DTNA: variants seen among roughly 807,000 people sequenced by gnomAD.
DTNA encodes dystrobrevin alpha.
In DTNA, 43 loss-of-function variants were observed where a neutral mutation model predicts 100.7. The observed-to-expected ratio is 0.43, with a 90% CI of 0.33 to 0.55. The LOEUF is 0.55. DTNA is among the 20% of genes least tolerant of loss of function. DTNA has a pLI of 0.04. For missense variants in DTNA, 798 were observed against 953.9 expected (o/e 0.84, Z 2.15); for synonymous variants, 349 against 347.9 (o/e 1.00, Z -0.04).
In DTNA at chr18:34,794,259, C is replaced by T. The variant is rs778158771; in HGVS notation, c.362+9C>T. ...CTTGCAGCGTTTGATCCGTAAGCAC[C>T]CTCTGAATGTCTGTTCCTCTCTACA... On this transcript the variant is annotated intron_variant, in intron 4 of 22. Transcript: ENST00000444659. The T allele has an allele frequency of 1.2e-5, 19 of 1,613,782 alleles. No homozygotes were observed. The Admixed American group carries it at 2.7e-4, about 23-fold the overall frequency.
At chr18:34,629,994 G>C (rs1380183472) in intron 1 of DTNA, among the ~76,000 whole-genome samples, 2 of 152,208 alleles carry the variant, frequency 1.3e-5, no homozygotes, top group South Asian at 2.1e-4. Context: ...GATGTCGTTG[G>C]CATTTTTCTC....
chr18:34,809,679 C>T (rs1421820174), intron 5 of DTNA, among the ~76,000 whole-genome samples: 2 of 152,054 alleles, frequency 1.3e-5, no homozygotes, highest in Non-Finnish European at 2.9e-5. Flanking sequence ...ATATTTAGCT[C>T]GTTCCAGCTA....
At chr18:34,680,532 A>G (rs1171816685) in intron 1 of DTNA, among the ~76,000 whole-genome samples, 1 of 152,330 alleles carries the variant, frequency 6.6e-6, no homozygotes, top group South Asian at 2.1e-4. Context: ...CTGACAGAGC[A>G]TTGGCCACTG....
At position 34,876,851 on chromosome 18, in the gene DTNA, C is replaced by T. The variant is rs114305851; in HGVS notation, c.1904-868C>T. Among the ~76,000 whole-genome samples the T allele has an allele frequency of 5.8e-3, 878 of 152,166 alleles. 15 individuals carry two copies. The highest frequency in any genetic ancestry group is 0.02 in the African/African-American group (831 of 41,526). ...TTTTTAGAAAGAAAATATCCCTTCT[C>T]TTAATCATATTTTAAAGAAATGTAC... On this transcript the variant is annotated intron_variant, in intron 18 of 22. Coordinates refer to ENST00000444659, the MANE Select transcript of DTNA (RefSeq NM_001386795.1).
intron 4 of DTNA, among the ~76,000 whole-genome samples, chr18:34,799,411 G>C (rs1398818110): frequency 6.6e-6 from 1 of 152,144 alleles, no homozygotes. Flanking sequence ...AATGCAAAAT[G>C]TACTACAAAG....
chr18:34,605,591 GC>G (rs909057672), intron 1 of DTNA, among the ~76,000 whole-genome samples: 3 of 150,214 alleles, frequency 2.0e-5, no homozygotes, highest in Non-Finnish European at 4.4e-5. Flanking sequence ...TAGAAGAGAA[GC>G]CAACAGATTT....
At chr18:34,767,382 A>G (rs192307855) in intron 3 of DTNA, among the ~76,000 whole-genome samples, 141 of 152,266 alleles carry the variant, frequency 9.3e-4, no homozygotes, top group Middle Eastern at 3.4e-3. Flanking sequence ...TCTCCTCTAC[A>G]TCTTATTCCC....
chr18:34,800,563 G>A (rs567583208), intron 4 of DTNA, among the ~76,000 whole-genome samples: 2 of 152,322 alleles, frequency 1.3e-5, no homozygotes, highest in African/African-American at 4.8e-5. Context: ...CAAAATGTGT[G>A]AGAAAGAGCA....
intron 1 of DTNA, among the ~76,000 whole-genome samples, chr18:34,671,414 A>G (rs1004026982): frequency 4.1e-4 from 63 of 151,876 alleles, no homozygotes; most frequent in African/African-American, 1.5e-3. Context: ...TTGGCTCACA[A>G]CAAGCCCCAG....
At chr18:34,610,224 G>A (rs929966348) in intron 1 of DTNA, among the ~76,000 whole-genome samples, 1 of 152,154 alleles carries the variant, frequency 6.6e-6, no homozygotes, top group Admixed American at 6.5e-5. Flanking sequence ...TACGTGAGGA[G>A]ACTTCTATAG....
At chr18:34,700,107 T>A (rs2081163736) in intron 1 of DTNA, among the ~76,000 whole-genome samples, 1 of 152,216 alleles carries the variant, frequency 6.6e-6, no homozygotes, top group Non-Finnish European at 1.5e-5. Flanking sequence ...AGCTTAACTT[T>A]GACCACCATA....
intron 1 of DTNA, among the ~76,000 whole-genome samples, chr18:34,722,058 TA>T (rs977803566): frequency 1.3e-5 from 2 of 152,016 alleles, no homozygotes; most frequent in South Asian, 4.1e-4. Flanking sequence ...CTAAAATGTT[TA>T]AAAAAAGTCC....
At chr18:34,757,321 G>A (rs186713752) in intron 2 of DTNA, 1 of 152,098 alleles carries the variant, frequency 6.6e-6, no homozygotes, top group East Asian at 1.9e-4. Context: ...AAAATCCAAA[G>A]CAGCACAGGT....
intron 3 of DTNA, among the ~76,000 whole-genome samples, chr18:34,793,402 C>T (rs937585361): frequency 6.6e-6 from 1 of 152,176 alleles, no homozygotes; most frequent in African/African-American, 2.4e-5. Context: ...TGTTCTTGAC[C>T]AGCCTAGTTC....
chr18:34,731,437 C>T (rs1017604414), intron 1 of DTNA, among the ~76,000 whole-genome samples: 1 of 151,988 alleles, frequency 6.6e-6, no homozygotes, highest in Non-Finnish European at 1.5e-5. Flanking sequence ...CGAGATTGCG[C>T]CACTGCAGTC....
exon 1 of DTNA, chr18:34,493,340 A>T (rs2038750004): frequency 6.6e-6 from 1 of 152,258 alleles, no homozygotes; most frequent in African/African-American, 2.4e-5. Flanking sequence ...TACTGGCAGC[A>T]GCCAGCCTCT....
chr18:34,662,664 C>G (rs1414992624), intron 1 of DTNA, among the ~76,000 whole-genome samples: 1 of 152,166 alleles, frequency 6.6e-6, no homozygotes, highest in South Asian at 2.1e-4. Context: ...TTCTGATTTA[C>G]TCATATCATT....
At chr18:34,862,267 A>G (rs905979292) in intron 16 of DTNA, among the ~76,000 whole-genome samples, 14 of 152,136 alleles carry the variant, frequency 9.2e-5, no homozygotes, top group Middle Eastern at 3.4e-3. Context: ...CCATTAAAGC[A>G]TATAAAATTA....
chr18:34,594,763 A>C (rs569892453), intron 1 of DTNA, among the ~76,000 whole-genome samples: 4 of 152,304 alleles, frequency 2.6e-5, no homozygotes, highest in Admixed American at 1.3e-4. Flanking sequence ...TGAAGTTGGC[A>C]GAGCTCAGTT....
Sources: allele counts gnomAD v4.1 joint callset (sites outside exome capture counted in the v4.1 genomes callset), GRCh38; gene constraint gnomAD v4.1.1; transcripts MANE v1.5; gene names NCBI Gene and HGNC (gene_info 2026-07-23, HGNC 2026-07-21).